Variants in PAX5 observed in about 807,000 individuals in gnomAD.
PAX5 encodes paired box 5, also known as paired box protein Pax-5.
In PAX5, 9 loss-of-function variants were observed where a neutral mutation model predicts 43.7. That is an observed-to-expected ratio of 0.21 (90% confidence interval 0.12 to 0.36). The LOEUF (loss-of-function observed/expected upper bound fraction) is 0.36, where lower values mean the gene tolerates loss of function less well. Among genes scored for constraint, PAX5 ranks in the 10% least tolerant of loss-of-function variants. PAX5 has a pLI of 1.00. For synonymous variants in PAX5, 228 were observed against 214.3 expected, an observed-to-expected ratio of 1.06 and a Z score of -0.56; for missense variants, 383 against 532.7, an observed-to-expected ratio of 0.72 and a Z score of 2.77.
intron 6 of PAX5, among the ~76,000 whole-genome samples, chr9:36,963,157 G>C (rs1306767192): frequency 1.3e-5 from 2 of 152,224 alleles, no homozygotes; most frequent in African/African-American, 4.8e-5. Context: ...ATTACAGGGA[G>C]GTGAAGCAGA....
intron 6 of PAX5, among the ~76,000 whole-genome samples, chr9:36,962,300 T>TCCTGGA (rs1316745083): frequency 6.6e-6 from 1 of 152,186 alleles, no homozygotes; most frequent in African/African-American, 2.4e-5. Context: ...CCTGGAATCG[T>TCCTGGA]CCTGGACCTG....
intron 5 of PAX5, among the ~76,000 whole-genome samples, chr9:36,971,814 T>C (rs1834946814): frequency 6.6e-6 from 1 of 152,228 alleles, no homozygotes; most frequent in Admixed American, 6.5e-5. Context: ...CAACCCAGCT[T>C]TGAAGCTAAA....
intron 7 of PAX5, among the ~76,000 whole-genome samples, chr9:36,909,838 T>TTTTTTTG (rs57927422): frequency 1.3e-5 from 2 of 148,670 alleles, no homozygotes; most frequent in African/African-American, 5.0e-5. Context: ...TTTTTTTTTT[T>TTTTTTTG]AGATATAGGG....
chr9:36,946,917 C>T (rs1832574151), intron 6 of PAX5, among the ~76,000 whole-genome samples: 1 of 152,116 alleles, frequency 6.6e-6, no homozygotes, highest in East Asian at 1.9e-4. Context: ...ACGTGCAGGG[C>T]CAAAACAGGA....
At chr9:36,913,547 A>G (rs1338990428) in intron 7 of PAX5, among the ~76,000 whole-genome samples, 1 of 152,230 alleles carries the variant, frequency 6.6e-6, no homozygotes, top group Non-Finnish European at 1.5e-5. Context: ...AGACACCTGC[A>G]GATAATTAGT....
chr9:36,870,815 T>C (rs1825417613), intron 8 of PAX5, among the ~76,000 whole-genome samples: 1 of 152,138 alleles, frequency 6.6e-6, no homozygotes, highest in African/African-American at 2.4e-5. Context: ...TCGTAAATAA[T>C]GTGATAAAAA....
At chr9:36,877,584 C>G (rs555730740) in intron 8 of PAX5, among the ~76,000 whole-genome samples, 1 of 152,164 alleles carries the variant, frequency 6.6e-6, no homozygotes, top group African/African-American at 2.4e-5. Flanking sequence ...CTTGTTTCTC[C>G]AAACATGCCA....
At chr9:36,952,615 C>A (rs945904500) in intron 6 of PAX5, among the ~76,000 whole-genome samples, 8 of 152,146 alleles carry the variant, frequency 5.3e-5, no homozygotes, top group African/African-American at 9.7e-5. Flanking sequence ...CATTTTATCT[C>A]TTCTGTTAGC....
At chr9:36,901,473 C>G (rs186353467) in intron 7 of PAX5, among the ~76,000 whole-genome samples, 1 of 152,126 alleles carries the variant, frequency 6.6e-6, no homozygotes, top group African/African-American at 2.4e-5. Context: ...TTACTGAGCA[C>G]TTTTGATGAG....
chr9:36,920,153 G>A (rs1830049216), intron 7 of PAX5, among the ~76,000 whole-genome samples: 1 of 152,194 alleles, frequency 6.6e-6, no homozygotes, highest in African/African-American at 2.4e-5. Context: ...TACTCCTGGT[G>A]AAGATACTGT....
At chr9:36,927,396 C>T (rs184676618) in intron 6 of PAX5, among the ~76,000 whole-genome samples, 243 of 152,304 alleles carry the variant, frequency 1.6e-3, no homozygotes, top group African/African-American at 5.4e-3. Context: ...ATATATCCTG[C>T]CCCTTACATA....
intron 8 of PAX5, among the ~76,000 whole-genome samples, chr9:36,879,628 GC>G (rs1281572444): frequency 2.6e-5 from 4 of 152,128 alleles, no homozygotes; most frequent in Non-Finnish European, 4.4e-5. Context: ...AAGCTGCACA[GC>G]CCCCCGGAAA....
chr9:36,995,442 G>T (rs914017792), intron 5 of PAX5, among the ~76,000 whole-genome samples: 1 of 152,218 alleles, frequency 6.6e-6, no homozygotes, highest in African/African-American at 2.4e-5. Context: ...GAAGGGCAGG[G>T]CTTCTCTCAA....
intron 7 of PAX5, among the ~76,000 whole-genome samples, chr9:36,894,942 A>C (rs2131830966): frequency 6.6e-6 from 1 of 152,370 alleles, no homozygotes; most frequent in Non-Finnish European, 1.5e-5. Flanking sequence ...GACCTTGGGC[A>C]GGTGACCCCG....
At chr9:36,844,258 G>A (rs1036323961) in intron 9 of PAX5, among the ~76,000 whole-genome samples, 11 of 152,116 alleles carry the variant, frequency 7.2e-5, no homozygotes, top group African/African-American at 2.7e-4. Flanking sequence ...TTCAAACTGC[G>A]ACTCAGTCAG....
chr9:37,034,129 T>TTG lies in PAX5; in HGVS notation c.-99_-98insCA. On this transcript the variant is annotated 5_prime_UTR_variant, in exon 1 of 10. Transcript: ENST00000358127. ...TTTTTTTTTTTTTTTTTTTTTTTGG[T>TTG]GCCAGGGGCCGCTCACAGGTCGGAA... 1.6e-6 allele frequency: 1 copy of TTG among 639,978 alleles called. No individual in the cohort carries two copies. Among genetic ancestry groups the TTG allele is most frequent in the Non-Finnish European group, 2.6e-6 (1 of 385,256 alleles). The allele number at this position is 639,978 out of a possible 1,614,324, so 39.6% of individuals were successfully genotyped here. A position where few individuals can be genotyped will look rare whatever the true frequency, so the allele number is the denominator to read the frequency against.
intron 7 of PAX5, among the ~76,000 whole-genome samples, chr9:36,919,736 G>C (rs1422961816): frequency 6.6e-6 from 1 of 151,244 alleles, no homozygotes; most frequent in African/African-American, 2.4e-5. Context: ...AGCTACTCGG[G>C]AGGCTGAGGC....
chr9:37,024,516 G>A (rs1840131116), intron 1 of PAX5, among the ~76,000 whole-genome samples: 1 of 152,190 alleles, frequency 6.6e-6, no homozygotes, highest in Admixed American at 6.5e-5. Context: ...CCCATTGCTA[G>A]CAAGTTGGGG....
At chr9:36,926,311 AT>A (rs1474845923) in intron 6 of PAX5, among the ~76,000 whole-genome samples, 4 of 152,340 alleles carry the variant, frequency 2.6e-5, no homozygotes, top group Middle Eastern at 3.4e-3. Context: ...TGAAAAAAAA[AT>A]ATCCAAGGGT....
Sources: gnomAD v4.1 joint callset for allele counts (sites outside exome capture counted in the v4.1 genomes callset) on GRCh38, gnomAD v4.1.1 for gene constraint, MANE v1.5 for transcripts, NCBI Gene and HGNC (gene_info 2026-07-23, HGNC 2026-07-21) for gene names.